ANO4: variants seen among roughly 807,000 people sequenced by gnomAD.
ANO4 encodes the protein anoctamin 4.
In ANO4, 69 loss-of-function variants were observed where a neutral mutation model predicts 141.9. That is an observed-to-expected ratio of 0.49 (90% confidence interval 0.40 to 0.59). ANO4 has a LOEUF of 0.59. Among genes scored for constraint, ANO4 ranks in the 20% least tolerant of loss-of-function variants. ANO4 has a pLI of 0.00. For missense variants in ANO4, 894 were observed against 1,162.2 expected, an observed-to-expected ratio of 0.77 and a Z score of 3.36; for synonymous variants, 350 against 394.3, an observed-to-expected ratio of 0.89 and a Z score of 1.33.
At chr12:101,120,310 A>T (rs1289724511) in intron 25 of ANO4, among the ~76,000 whole-genome samples, 5 of 152,302 alleles carry the variant, frequency 3.3e-5, no homozygotes, top group African/African-American at 1.2e-4. Flanking sequence ...TGGAGGGGGA[A>T]GTCCTAGTCA....
intron 1 of ANO4, among the ~76,000 whole-genome samples, chr12:100,719,215 T>C (rs2030749249): frequency 6.6e-6 from 1 of 152,186 alleles, no homozygotes. Flanking sequence ...AATTTCTGCT[T>C]GACACATTCT....
At chr12:100,907,077 T>C (rs1593713210) in intron 2 of ANO4, among the ~76,000 whole-genome samples, 2 of 152,204 alleles carry the variant, frequency 1.3e-5, no homozygotes, top group East Asian at 3.9e-4. Context: ...CCAGAGAGGA[T>C]AATTAGCATC....
chr12:101,075,998 A>G (rs1809963898), intron 14 of ANO4, among the ~76,000 whole-genome samples: 1 of 152,140 alleles, frequency 6.6e-6, no homozygotes, highest in African/African-American at 2.4e-5. Context: ...ATGAATGGGC[A>G]TTTCACCCAA....
chr12:100,942,222 A>T (rs2042551850), intron 4 of ANO4, among the ~76,000 whole-genome samples, 155 bp from the exon 5 acceptor site: 1 of 151,986 alleles, frequency 6.6e-6, no homozygotes, highest in Middle Eastern at 3.4e-3. Context: ...CTCGTGATCC[A>T]CCCGCCTCGG....
At chr12:101,054,110 T>G (rs140540424) in intron 14 of ANO4, among the ~76,000 whole-genome samples, 7 of 152,352 alleles carry the variant, frequency 4.6e-5, no homozygotes, top group African/African-American at 1.7e-4. Context: ...TTCCTAGCTT[T>G]AGTTATTTAT....
At chr12:100,882,729 C>T (rs1170923715) in intron 1 of ANO4, among the ~76,000 whole-genome samples, 1 of 152,000 alleles carries the variant, frequency 6.6e-6, no homozygotes, top group African/African-American at 2.4e-5. Context: ...GACAGAGTCT[C>T]TCTCTGTTCC....
chr12:100,839,811 T>C (rs189471361), intron 1 of ANO4, among the ~76,000 whole-genome samples: 12 of 152,300 alleles, frequency 7.9e-5, no homozygotes, highest in African/African-American at 2.6e-4. Context: ...GGCTTCACTG[T>C]CTGCAAAAAT....
At chr12:101,063,873 A>G (rs529410745) in intron 14 of ANO4, among the ~76,000 whole-genome samples, 1 of 147,618 alleles carries the variant, frequency 6.8e-6, no homozygotes, top group Non-Finnish European at 1.5e-5. Context: ...GTGTTATGAT[A>G]TCATATTGGT....
At chr12:100,793,973 T>C (rs759160054), upstream of ANO4, among the ~76,000 whole-genome samples, 1 of 152,216 alleles carries the variant, frequency 6.6e-6, no homozygotes, top group Non-Finnish European at 1.5e-5. Context: ...TGAATTGTTA[T>C]TATTGTTTAT....
intron 13 of ANO4, chr12:101,047,913 A>T: frequency 1.4e-6 from 1 of 736,724 alleles, no homozygotes; most frequent in Non-Finnish European, 1.7e-6. Context: ...TAAACAAAAT[A>T]GCCATGTTTT....
chr12:101,037,090 T>C lies in ANO4; in HGVS notation c.842-5T>C. 1 of 1,613,910 alleles carries C rather than the reference T, an allele frequency of 6.2e-7. No individual in the cohort carries two copies. The highest frequency in any genetic ancestry group is 1.3e-5 in the African/African-American group (1 of 75,060). ...TAATTCAAATGGACTTATTTGCTGT[T>C]TTAGGTCTGAATCGTTTGCTTACCA... On this transcript the variant is annotated splice_region_variant and splice_polypyrimidine_tract_variant and intron_variant, in intron 9 of 27. Coordinates refer to ENST00000392977, the MANE Select transcript of ANO4 (RefSeq NM_001286615.2).
chr12:100,923,404 G>A (rs1436339088), intron 3 of ANO4, among the ~76,000 whole-genome samples: 1 of 150,128 alleles, frequency 6.7e-6, no homozygotes, highest in African/African-American at 2.5e-5. Flanking sequence ...TTCTATCCTT[G>A]TGATCATTTG....
intron 1 of ANO4, among the ~76,000 whole-genome samples, chr12:100,863,921 A>G (rs925116324): frequency 6.6e-6 from 1 of 152,188 alleles, no homozygotes; most frequent in African/African-American, 2.4e-5. Context: ...CTTTTATTCA[A>G]AGTGCCTTGA....
chr12:100,929,741 G>A (rs2136131392), intron 3 of ANO4, among the ~76,000 whole-genome samples: 1 of 152,244 alleles, frequency 6.6e-6, no homozygotes, highest in Admixed American at 6.5e-5. Flanking sequence ...CAGTGTATGA[G>A]GGTTCCCTCT....
intron 3 of ANO4, among the ~76,000 whole-genome samples, chr12:100,929,401 A>T (rs1351827908): frequency 6.6e-6 from 1 of 152,130 alleles, no homozygotes; most frequent in African/African-American, 2.4e-5. Context: ...ATTTCACTTA[A>T]CATAATGACC....
chr12:101,076,747 A>G (rs2049040871), intron 14 of ANO4, among the ~76,000 whole-genome samples: 1 of 152,192 alleles, frequency 6.6e-6, no homozygotes, highest in South Asian at 2.1e-4. Flanking sequence ...TTTTTATGGA[A>G]AATAGCCACA....
intron 1 of ANO4, among the ~76,000 whole-genome samples, chr12:100,888,811 G>A (rs1047263290): frequency 6.6e-5 from 10 of 152,122 alleles, no homozygotes; most frequent in Non-Finnish European, 1.3e-4. Context: ...GAACACCTTG[G>A]AAATTCATCC....
At chr12:100,778,098 T>C (rs939267955) in intron 3 of ANO4, among the ~76,000 whole-genome samples, 5 of 151,978 alleles carry the variant, frequency 3.3e-5, no homozygotes, top group Non-Finnish European at 5.9e-5. Flanking sequence ...TTTTTGCATT[T>C]TTAGTAGAGA....
At chr12:100,779,998 T>C (rs781358265) in intron 3 of ANO4, among the ~76,000 whole-genome samples, 25 of 152,184 alleles carry the variant, frequency 1.6e-4, no homozygotes, top group Non-Finnish European at 2.9e-4. Context: ...CTTAAAGCTT[T>C]TAACTTACAA....
Sources: gnomAD v4.1 joint callset for allele counts (sites outside exome capture counted in the v4.1 genomes callset) on GRCh38, gnomAD v4.1.1 for gene constraint, MANE v1.5 for transcripts, NCBI Gene and HGNC (gene_info 2026-07-23, HGNC 2026-07-21) for gene names.